DNAJA3: variants seen among roughly 807,000 people sequenced by gnomAD.
The protein encoded by DNAJA3 is DnaJ heat shock protein family (Hsp40) member A3.
A neutral mutation model predicts 54.9 loss-of-function variants in DNAJA3; 29 were observed. The ratio of observed to expected loss-of-function variants is 0.53; its 90% CI spans 0.39 to 0.72. The LOEUF (loss-of-function observed/expected upper bound fraction) is 0.72. DNAJA3 is among the 30% of genes least tolerant of loss of function. DNAJA3 has a pLI of 0.00. For missense variants in DNAJA3, 708 were observed against 639.4 expected (o/e 1.11, Z -1.16); for synonymous variants, 302 against 251.4 (o/e 1.20, Z -1.90).
chr16:4,450,896 T>C (rs969820149), intron 10 of DNAJA3, among the ~76,000 whole-genome samples: 1 of 152,180 alleles, frequency 6.6e-6, no homozygotes, highest in Non-Finnish European at 1.5e-5. Context: ...ACTTCCCACC[T>C]GGGACACTCC....
intron 1 of DNAJA3, among the ~76,000 whole-genome samples, chr16:4,430,157 T>A (rs8060219): frequency 0.68 from 101,939 of 150,644 alleles, 34,585 homozygotes; most frequent in Non-Finnish European, 0.71. Flanking sequence ...AAAAAAAAAA[T>A]TTTGAAAAGG....
At chr16:4,444,191 G>A (rs1333164871) in intron 6 of DNAJA3, among the ~76,000 whole-genome samples, 1 of 152,164 alleles carries the variant, frequency 6.6e-6, no homozygotes, top group African/African-American at 2.4e-5. Context: ...ATCTCTGGAA[G>A]GTTACCCATG....
chr16:4,435,197 G>A (rs1242165349), intron 2 of DNAJA3, among the ~76,000 whole-genome samples: 4 of 152,064 alleles, frequency 2.6e-5, no homozygotes, highest in Admixed American at 2.0e-4. Flanking sequence ...ACCGCGCCTG[G>A]CCCTTTCTTA....
Position 4,444,740 on chromosome 16 carries a change from GC to G in DNAJA3, c.996+16del, listed in dbSNP as rs779522920. ...TCATTACGTTCAGGGTAGGTGCCCT[GC>G]CCCGCACAGCTTCTGTTGGGCCTTT... On this transcript the variant is annotated intron_variant, in intron 7 of 11. Transcript: ENST00000262375. The G allele has an allele frequency of 4.3e-6, 7 of 1,613,064 alleles. No homozygotes were observed. In the Middle Eastern group the frequency reaches 1.2e-3, roughly 267 times the overall value.
intron 10 of DNAJA3, among the ~76,000 whole-genome samples, chr16:4,454,273 G>C (rs1332181512): frequency 6.6e-6 from 1 of 152,118 alleles, no homozygotes; most frequent in African/African-American, 2.4e-5. Flanking sequence ...GTTTTTCTTG[G>C]CAGTCATTAT....
intron 1 of DNAJA3, among the ~76,000 whole-genome samples, chr16:4,432,302 C>T (rs1029777455): frequency 4.0e-5 from 6 of 149,260 alleles, no homozygotes; most frequent in African/African-American, 1.2e-4. Context: ...GGATTACAGG[C>T]GAGAGCCACT....
intron 1 of DNAJA3, among the ~76,000 whole-genome samples, chr16:4,427,817 C>T (rs1182193106): frequency 6.6e-6 from 1 of 152,160 alleles, no homozygotes; most frequent in Non-Finnish European, 1.5e-5. Flanking sequence ...TACAGGCATG[C>T]ACCACCACAC....
chr16:4,437,302 A>T, intron 2 of DNAJA3, 100 bp from the exon 3 acceptor site: 1 of 982,836 alleles, frequency 1.0e-6, no homozygotes, highest in Non-Finnish European at 1.6e-6. Context: ...GAACATAATT[A>T]TGACTGGTAT....
chr16:4,427,792 C>T (rs2056643716), intron 1 of DNAJA3, among the ~76,000 whole-genome samples: 1 of 152,236 alleles, frequency 6.6e-6, no homozygotes, highest in African/African-American at 2.4e-5. Flanking sequence ...CCTCAGCCTC[C>T]TGAGTAGCTG....
chr16:4,454,580 G>T (rs2057013885), intron 10 of DNAJA3, among the ~76,000 whole-genome samples: 1 of 152,214 alleles, frequency 6.6e-6, no homozygotes, highest in African/African-American at 2.4e-5. Flanking sequence ...GTCCTTGATT[G>T]AAAGAGCAGT....
intron 1 of DNAJA3, among the ~76,000 whole-genome samples, chr16:4,431,447 C>T (rs1046450686): frequency 2.6e-5 from 4 of 152,212 alleles, no homozygotes; most frequent in African/African-American, 9.7e-5. Flanking sequence ...TTTTAAGTAT[C>T]CTGACCATTC....
chr16:4,449,981 G>C (rs1367349999), intron 9 of DNAJA3: 2 of 155,604 alleles, frequency 1.3e-5, no homozygotes, highest in South Asian at 2.0e-4. Context: ...GTAGAGACGG[G>C]GTTTCACCTT....
intron 1 of DNAJA3, among the ~76,000 whole-genome samples, chr16:4,431,302 G>A (rs2056697383): frequency 1.3e-5 from 2 of 152,204 alleles, no homozygotes; most frequent in African/African-American, 4.8e-5. Context: ...TCAATAATAA[G>A]TCAGGTCTAG....
chr16:4,431,389 C>G (rs907257723), intron 1 of DNAJA3, among the ~76,000 whole-genome samples: 1 of 152,168 alleles, frequency 6.6e-6, no homozygotes, highest in African/African-American at 2.4e-5. Context: ...TTTTGTATCC[C>G]GAGGATATTG....
At chr16:4,440,149 G>C (rs1317222716) in intron 3 of DNAJA3, 1 of 151,982 alleles carries the variant, frequency 6.6e-6, no homozygotes, top group African/African-American at 2.4e-5. Flanking sequence ...ATGTTGCCCA[G>C]GCTGGTCTTG....
chr16:4,426,388 T>C (rs537465481), intron 1 of DNAJA3, among the ~76,000 whole-genome samples: 19 of 152,328 alleles, frequency 1.2e-4, no homozygotes, highest in African/African-American at 4.3e-4. Context: ...TCCTCTTCCT[T>C]TCCCATCTCT....
intron 9 of DNAJA3, 88 bp from the exon 10 acceptor site, chr16:4,450,312 C>A: frequency 9.0e-7 from 1 of 1,105,986 alleles, no homozygotes; most frequent in Non-Finnish European, 1.3e-6. Context: ...CCTCTCTTCC[C>A]ATGTGCTGCG....
chr16:4,432,659 A>G (rs34083611), intron 1 of DNAJA3, among the ~76,000 whole-genome samples: 1 of 151,976 alleles, frequency 6.6e-6, no homozygotes, highest in Non-Finnish European at 1.5e-5. Flanking sequence ...TTCACTTTTT[A>G]AACAGATTTC....
At chr16:4,453,965 G>T (rs905445923) in intron 10 of DNAJA3, among the ~76,000 whole-genome samples, 1 of 152,210 alleles carries the variant, frequency 6.6e-6, no homozygotes, top group African/African-American at 2.4e-5. Context: ...CAACAAAAGT[G>T]TGCACTCCTT....
Sources: gnomAD v4.1 joint callset for allele counts (sites outside exome capture counted in the v4.1 genomes callset) on GRCh38, gnomAD v4.1.1 for gene constraint, MANE v1.5 for transcripts, NCBI Gene and HGNC (gene_info 2026-07-23, HGNC 2026-07-21) for gene names.